ALMS1: variants seen among roughly 807,000 people sequenced by gnomAD.
ALMS1 encodes centrosome-associated protein ALMS1.
In ALMS1, 271 loss-of-function variants were observed where a neutral mutation model predicts 352.2. That is an observed-to-expected ratio of 0.77 (90% CI 0.70 to 0.85). The LOEUF (loss-of-function observed/expected upper bound fraction) is 0.85, where lower values mean the gene tolerates loss of function less well. Among genes scored for constraint, ALMS1 ranks in the 40% least tolerant of loss-of-function variants. The pLI is 0.00. For missense variants in ALMS1, 5,445 were observed against 4,870.7 expected (o/e 1.12, Z -3.51); for synonymous variants, 1,865 against 1,761.2 (o/e 1.06, Z -1.48).
chr2:73,460,667 G>A (rs2091504), intron 9 of ALMS1, among the ~76,000 whole-genome samples: 1 of 152,088 alleles, frequency 6.6e-6, no homozygotes, highest in African/African-American at 2.4e-5. Context: ...AGTGCAAGGG[G>A]TCAGGGAGTT....
rs1360061887 is a variant in ALMS1 at position 73,452,807 on chromosome 2, T to A, written c.6280T>A (p.Ser2094Thr). ...TGGAAAACCAGTATCTCTCTCTAGT[T>A]CTTATTTTCACAGAGAGAAATCGAA... ...NTGKPVSLSS[S>T]YFHREKSNIF... Residue 2094 changes from serine to threonine, a missense_variant, in exon 8 of 23, where the codon TCT (serine) becomes ACT (threonine). Physicochemically the swap from Ser to Thr is moderately conservative, Grantham distance 58. Transcript: ENST00000613296. 1.9e-6 allele frequency: 3 copies of A among 1,613,656 alleles called. No homozygotes were observed. The highest frequency in any genetic ancestry group is 2.5e-6 in the Non-Finnish European group (3 of 1,179,974).
chr2:73,447,320 A>G (rs1214116298), intron 7 of ALMS1, among the ~76,000 whole-genome samples: 1 of 152,200 alleles, frequency 6.6e-6, no homozygotes, highest in African/African-American at 2.4e-5. Flanking sequence ...TTAAAACTGT[A>G]AACAACTTGC....
intron 10 of ALMS1, among the ~76,000 whole-genome samples, chr2:73,491,861 G>C: frequency 6.6e-6 from 1 of 152,040 alleles, no homozygotes. Flanking sequence ...TGGGTGCTTG[G>C]TCACTCTCTC....
intron 9 of ALMS1, 113 bp downstream of exon 9, chr2:73,455,408 T>C: frequency 7.0e-7 from 1 of 1,420,366 alleles, no homozygotes; most frequent in Non-Finnish European, 9.7e-7. Flanking sequence ...CTAAAGCCTT[T>C]TTTGGTTTTG....
In ALMS1 at chr2:73,419,180, A is replaced by G. The variant is rs1212969448; in HGVS notation, c.508A>G (p.Thr170Ala). The change falls in exon 3 of 23, where the codon ACA (threonine) becomes GCA (alanine). Residue 170 changes from threonine to alanine, a missense_variant. Transcript: ENST00000613296. ...AATGGACTCTTCCCAAACCTTGGAT[A>G]CATCCCAGACTAGGTTTAATGTGAG... ...QEMDSSQTLD[T>A]SQTRFNVRTE... is the part of the protein sequence containing the mutation. 1.9e-6 allele frequency: 3 copies of G among 1,614,068 alleles called. No homozygotes were observed. Among genetic ancestry groups the G allele is most frequent in the Non-Finnish European group, 2.5e-6 (3 of 1,179,936 alleles).
chr2:73,398,852 C>CT (rs58903957), intron 1 of ALMS1, among the ~76,000 whole-genome samples: 8,502 of 150,660 alleles, frequency 0.056, 255 homozygotes, highest in African/African-American at 0.068. Flanking sequence ...TTTGGATTTT[C>CT]TTTTTTTTTG....
intron 10 of ALMS1, among the ~76,000 whole-genome samples, chr2:73,491,745 A>G (rs917653244): frequency 6.6e-5 from 10 of 152,118 alleles, no homozygotes; most frequent in African/African-American, 2.4e-4. Context: ...TTAAAAATTG[A>G]ATGACCTTGA....
chr2:73,438,966 TATAGA>T (rs1298632746), intron 7 of ALMS1, among the ~76,000 whole-genome samples: 1 of 150,780 alleles, frequency 6.6e-6, no homozygotes, highest in Non-Finnish European at 1.5e-5. Context: ...TAGCCACTCC[TATAGA>T]ATAGTTCTTT....
chr2:73,488,994 A>G (rs369401749), intron 9 of ALMS1, among the ~76,000 whole-genome samples: 3 of 152,096 alleles, frequency 2.0e-5, no homozygotes, highest in African/African-American at 7.2e-5. Flanking sequence ...TTTTCACGTC[A>G]TTGTTCATGT....
At chr2:73,548,039 G>T (rs1354224177) in intron 12 of ALMS1, among the ~76,000 whole-genome samples, 3 of 152,184 alleles carry the variant, frequency 2.0e-5, no homozygotes, top group Non-Finnish European at 4.4e-5. Context: ...CTGAGGTGGA[G>T]ATTGAGGAAA....
intron 2 of ALMS1, among the ~76,000 whole-genome samples, chr2:73,418,710 C>T (rs1671227450): frequency 6.6e-6 from 1 of 152,180 alleles, no homozygotes; most frequent in Non-Finnish European, 1.5e-5. Flanking sequence ...TCTCATGATA[C>T]AGTGAATATT....
chr2:73,551,258 C>T (rs75124321), intron 13 of ALMS1, among the ~76,000 whole-genome samples: 2,241 of 152,040 alleles, frequency 0.015, 33 homozygotes, highest in African/African-American at 0.039. Flanking sequence ...CCCTTTGGCT[C>T]GCATTCATTC....
chr2:73,452,825 A>G lies in ALMS1; in HGVS notation c.6298A>G (p.Lys2100Glu). 6.2e-7 allele frequency: 1 copy of G among 1,613,858 alleles called. No individual in the cohort carries two copies. The highest frequency in any genetic ancestry group is 8.5e-7 in the Non-Finnish European group (1 of 1,179,992). Residue 2100 changes from lysine (K) to glutamate (E), a missense_variant, in exon 8 of 23, where the codon AAA (lysine) becomes GAA (glutamate). Physicochemically the swap from Lys to Glu is moderately conservative, Grantham distance 56. Transcript: ENST00000613296. ...CTCTAGTTCTTATTTTCACAGAGAG[A>G]AATCGAATATTTTCAGTCCACAGGA... ...SLSSSYFHRE[K>E]SNIFSPQELP...
At chr2:73,413,531 T>A (rs1438298263) in intron 2 of ALMS1, among the ~76,000 whole-genome samples, 1 of 152,182 alleles carries the variant, frequency 6.6e-6, no homozygotes, top group Non-Finnish European at 1.5e-5. Flanking sequence ...ATTCCTGGCC[T>A]CTTCCCACTA....
At chr2:73,509,043 C>A (rs1447627907) in intron 10 of ALMS1, among the ~76,000 whole-genome samples, 1 of 152,050 alleles carries the variant, frequency 6.6e-6, no homozygotes, top group Non-Finnish European at 1.5e-5. Context: ...AGGATTTCAA[C>A]CCCTGTTTTT....
chr2:73,408,986 C>T (rs2103676879), intron 2 of ALMS1, among the ~76,000 whole-genome samples: 1 of 149,966 alleles, frequency 6.7e-6, no homozygotes, highest in Non-Finnish European at 1.5e-5. Context: ...GATCCTCCTG[C>T]CTGAGCCTCT....
In ALMS1 at chr2:73,602,511, T is replaced by C. The variant is rs1000831105; in HGVS notation, c.12298+143T>C. On this transcript the variant is annotated intron_variant, in intron 20 of 22. Transcript: ENST00000613296. ...TTTGCTTGCCAAGACTCAAACCTTC[T>C]TAGCTAGCAGAATCTCCCCAACTTA... The C allele has an allele frequency of 4.1e-6, 4 of 978,588 alleles. No individual in the cohort carries two copies. In the African/African-American group the frequency reaches 6.5e-5, roughly 16 times the overall value. 60.6% of individuals were successfully genotyped at this position (978,588 alleles called of 1,614,324 possible). A position where few individuals can be genotyped will look rare whatever the true frequency, so the allele number is the denominator to read the frequency against.
At chr2:73,486,462 A>G (rs1352696139) in intron 9 of ALMS1, among the ~76,000 whole-genome samples, 2 of 152,124 alleles carry the variant, frequency 1.3e-5, no homozygotes, top group African/African-American at 4.8e-5. Context: ...GTTATTATTT[A>G]AAAGTTCTCT....
chr2:73,583,127 A>AT (rs1034346336), intron 16 of ALMS1, among the ~76,000 whole-genome samples: 2 of 150,564 alleles, frequency 1.3e-5, no homozygotes, highest in South Asian at 2.1e-4. Context: ...GATACTGAGC[A>AT]TTTTTTTATA....
Sources: allele counts gnomAD v4.1 joint callset (sites outside exome capture counted in the v4.1 genomes callset), GRCh38; gene constraint gnomAD v4.1.1; transcripts MANE v1.5; gene names NCBI Gene and HGNC (gene_info 2026-07-23, HGNC 2026-07-21).